DNAH6: variants seen among roughly 807,000 people sequenced by gnomAD.
DNAH6 encodes the protein dynein axonemal heavy chain 6, also known as axonemal beta dynein heavy chain 6.
A neutral mutation model predicts 491.4 loss-of-function variants in DNAH6; 340 were observed. The observed-to-expected ratio is 0.69, with a 90% CI of 0.63 to 0.76. DNAH6 has a LOEUF of 0.76. Among genes scored for constraint, DNAH6 ranks in the 30% least tolerant of loss-of-function variants. The probability of loss-of-function intolerance (pLI) is 0.00; values close to 1 mark genes in which losing one functional copy is unlikely to be tolerated. For missense variants in DNAH6, 4,443 were observed against 4,972.2 expected (o/e 0.89, Z 3.20); for synonymous variants, 1,603 against 1,686.1 (o/e 0.95, Z 1.21).
intron 18 of DNAH6, among the ~76,000 whole-genome samples, chr2:84,601,486 A>G (rs1464342757): frequency 6.6e-6 from 1 of 152,026 alleles, no homozygotes; most frequent in Non-Finnish European, 1.5e-5. Flanking sequence ...CTCTGATAAG[A>G]TTCCTTGTTC....
In DNAH6 at chr2:84,611,747, A is replaced by G. The variant is rs1388694757; in HGVS notation, c.3368A>G (p.Gln1123Arg). The change falls in exon 22 of 77, where the codon CAA becomes CGA. Residue 1123 changes from glutamine to arginine, a missense_variant. By Grantham distance (43) the Gln-to-Arg change is conservative. Around this residue, in one of 3 missense-constraint regions of DNAH6, gnomAD observed 2,977 missense variants for 3,296.6 expected, o/e 0.90. Coordinates refer to ENST00000389394, the MANE Select transcript of DNAH6 (RefSeq NM_001370.2). The stretch of plus-strand genomic sequence containing the variant: ...TTCAATGCTCCAGACATTCAGAGGC[A>G]ATTGCCTGCAGAGGCCAAGATGTTC... ...SIFNAPDIQR[Q>R]LPAEAKMFLQ... is the part of the protein sequence containing the mutation. 1 of 1,551,230 alleles carries G rather than the reference A, an allele frequency of 6.4e-7. No individual in the cohort carries two copies. The highest frequency in any genetic ancestry group is 8.7e-7 in the Non-Finnish European group (1 of 1,146,660).
Position 84,731,339 on chromosome 2 carries a change from A to G in DNAH6, c.10207-2105A>G, listed in dbSNP as rs372800159. Among the ~76,000 whole-genome samples the G allele has an allele frequency of 6.2e-4, 95 of 152,318 alleles. 1 individual carries two copies. Among genetic ancestry groups the G allele is most frequent in the African/African-American group, 2.2e-3 (92 of 41,570 alleles). ...CTGAAGATAAGTCCCAGTTGAGTGT[A>G]GCCAAAAGGTGGGGCTGCCTTCTTC... On this transcript the variant is annotated intron_variant, in intron 61 of 76. Coordinates refer to ENST00000389394, the MANE Select transcript of DNAH6 (RefSeq NM_001370.2).
the DNAH6 span, among the ~76,000 whole-genome samples, chr2:84,503,687 T>G: frequency 1.3e-5 from 2 of 149,900 alleles, no homozygotes; most frequent in South Asian, 2.1e-4. Flanking sequence ...GGTAAAAGTT[T>G]TTTTTTTTTT....
intron 63 of DNAH6, among the ~76,000 whole-genome samples, chr2:84,752,421 A>C (rs1673553945): frequency 6.6e-6 from 1 of 152,078 alleles, no homozygotes; most frequent in Non-Finnish European, 1.5e-5. Flanking sequence ...TCACAGACAT[A>C]CTCTTTGATC....
intron 11 of DNAH6, among the ~76,000 whole-genome samples, chr2:84,572,024 G>A (rs1681946760): frequency 6.6e-6 from 1 of 152,182 alleles, no homozygotes; most frequent in South Asian, 2.1e-4. Context: ...CTTTTACTAT[G>A]AAATTCATTA....
At chr2:84,729,412 A>G (rs983467146) in intron 61 of DNAH6, among the ~76,000 whole-genome samples, 1 of 152,146 alleles carries the variant, frequency 6.6e-6, no homozygotes, top group Admixed American at 6.5e-5. Flanking sequence ...TTAGCCAATC[A>G]CTTAGCCAGG....
chr2:84,648,938 G>A (rs373181039), intron 33 of DNAH6, among the ~76,000 whole-genome samples: 1 of 152,180 alleles, frequency 6.6e-6, no homozygotes, highest in Non-Finnish European at 1.5e-5. Flanking sequence ...AAGAGTCGAT[G>A]AACGTGGCAA....
At chr2:84,671,564 A>G (rs1692739482) in intron 39 of DNAH6, among the ~76,000 whole-genome samples, 1 of 152,176 alleles carries the variant, frequency 6.6e-6, no homozygotes, top group African/African-American at 2.4e-5. Context: ...TTAGGTAGGC[A>G]AAGGGCAACA....
intron 62 of DNAH6, among the ~76,000 whole-genome samples, chr2:84,737,637 T>G (rs1391607477): frequency 6.6e-6 from 1 of 151,956 alleles, no homozygotes; most frequent in Non-Finnish European, 1.5e-5. Context: ...CATAATACCC[T>G]CTGAGGATCC....
chr2:84,566,409 T>C (rs900297871), intron 11 of DNAH6, among the ~76,000 whole-genome samples: 101 of 152,194 alleles, frequency 6.6e-4, no homozygotes, highest in African/African-American at 2.3e-3. Flanking sequence ...AAAACCCATA[T>C]GATGGACACT....
intron 62 of DNAH6, among the ~76,000 whole-genome samples, chr2:84,736,329 A>G (rs113430647): frequency 7.2e-5 from 11 of 152,144 alleles, no homozygotes; most frequent in African/African-American, 2.2e-4. Flanking sequence ...CTGTTTGGGC[A>G]TATTTTTTGT....
intron 64 of DNAH6, among the ~76,000 whole-genome samples, chr2:84,773,790 T>C (rs1654029308): frequency 6.6e-6 from 1 of 152,162 alleles, no homozygotes; most frequent in African/African-American, 2.4e-5. Context: ...CTGACTGGTG[T>C]GAAATGGTAT....
At chr2:84,500,722 A>G in the DNAH6 span, among the ~76,000 whole-genome samples, 1 of 152,162 alleles carries the variant, frequency 6.6e-6, no homozygotes, top group Non-Finnish European at 1.5e-5. Flanking sequence ...AGTGTTTCAT[A>G]CTTTTCATTA....
intron 60 of DNAH6, among the ~76,000 whole-genome samples, chr2:84,723,857 CA>C: frequency 6.6e-6 from 1 of 152,296 alleles, no homozygotes; most frequent in East Asian, 1.9e-4. Flanking sequence ...CATTTTTTCT[CA>C]AAAGCAAATT....
chr2:84,630,168 A>T (rs893655603), intron 29 of DNAH6, among the ~76,000 whole-genome samples: 2 of 152,122 alleles, frequency 1.3e-5, no homozygotes, highest in Admixed American at 1.3e-4. Context: ...AATAATCACA[A>T]CTAATAAATG....
chr2:84,481,987 C>A, the DNAH6 span, among the ~76,000 whole-genome samples: 1 of 152,210 alleles, frequency 6.6e-6, no homozygotes, highest in East Asian at 1.9e-4. Flanking sequence ...TAAGAGAAGT[C>A]ACACCCCGTG....
rs139773637 is a variant in DNAH6, at chr2:84,557,795, G to T, written c.1663G>T (p.Val555Leu). Residue 555 changes from valine (V) to leucine (L), a missense_variant, in exon 11 of 77, where the codon GTG becomes TTG. Physicochemically the swap from Val to Leu is conservative, Grantham distance 32. Around this residue, in one of 3 missense-constraint regions of DNAH6, gnomAD observed 2,977 missense variants for 3,296.6 expected, o/e 0.90. Transcript: ENST00000389394. ...QNTVLSVPNLVPDSYFDAFTS... is the reference protein window; with the variant it reads ...QNTVLSVPNLLPDSYFDAFTS... ...CACTGTGTTATCAGTTCCTAATCTCGTGCCTGATTCGTATTTTGATGCTTT... is the reference window on the plus strand; with the variant it reads ...CACTGTGTTATCAGTTCCTAATCTCTTGCCTGATTCGTATTTTGATGCTTT... 1.9e-6 allele frequency: 3 copies of T among 1,609,470 alleles called. No homozygotes were observed. In the African/African-American group the frequency reaches 4.1e-5, roughly 22 times the overall value.
intron 48 of DNAH6, among the ~76,000 whole-genome samples, chr2:84,700,071 G>GTTTGCC (rs1399367535): frequency 2.6e-5 from 4 of 152,206 alleles, no homozygotes; most frequent in Non-Finnish European, 5.9e-5. Flanking sequence ...CCAAAGGAAA[G>GTTTGCC]CAGAGAGATG....
intron 61 of DNAH6, 112 bp from the exon 62 acceptor site, chr2:84,733,332 G>A: frequency 1.1e-6 from 1 of 884,138 alleles, no homozygotes; most frequent in East Asian, 2.7e-5. Context: ...CTTGTCCTAG[G>A]AAAATGGTTA....
Sources: allele counts gnomAD v4.1 joint callset (sites outside exome capture counted in the v4.1 genomes callset), GRCh38; gene constraint gnomAD v4.1.1; regional missense constraint gnomAD v4.1.1; transcripts MANE v1.5; gene names NCBI Gene and HGNC (gene_info 2026-07-23, HGNC 2026-07-21).